Variants in METTL21A observed in about 807,000 individuals in gnomAD.
METTL21A encodes methyltransferase 21A, HSPA lysine.
METTL21A carries 22 observed loss-of-function variants against 20.9 expected under a neutral mutation model. The ratio of observed to expected loss-of-function variants is 1.05; its 90% CI spans 0.75 to 1.50. The LOEUF is 1.50. Ranked by LOEUF, METTL21A falls within the 40% of genes most tolerant of loss-of-function variation. METTL21A has a pLI of 0.00. For synonymous variants in METTL21A, 93 were observed against 102.0 expected, an observed-to-expected ratio of 0.91 and a Z score of 0.53; for missense variants, 271 against 266.8, an observed-to-expected ratio of 1.02 and a Z score of -0.11.
intron 3 of METTL21A, among the ~76,000 whole-genome samples, chr2:207,594,027 C>T (rs1434400952): frequency 1.3e-5 from 2 of 152,128 alleles, no homozygotes; most frequent in East Asian, 1.9e-4. Flanking sequence ...CACCAGCCCT[C>T]ACAAACCTTT....
At chr2:207,605,593 CTG>C (rs2087951585), downstream of METTL21A, among the ~76,000 whole-genome samples, 2 of 152,218 alleles carry the variant, frequency 1.3e-5, no homozygotes, top group South Asian at 2.1e-4. Flanking sequence ...TTGTGACAGT[CTG>C]TGCATATATA....
chr2:207,582,863 C>A, intron 3 of METTL21A: 1 of 322,200 alleles, frequency 3.1e-6, no homozygotes, highest in African/African-American at 2.3e-5. Context: ...ACTACTCCAG[C>A]CTGAGTGACA....
intron 3 of METTL21A, among the ~76,000 whole-genome samples, chr2:207,595,644 A>C (rs115190282): frequency 6.6e-6 from 1 of 151,976 alleles, no homozygotes; most frequent in Non-Finnish European, 1.5e-5. Flanking sequence ...GCTCACTGCA[A>C]CCTAAGACCT....
At chr2:207,592,348 A>C (rs1297893130) in intron 3 of METTL21A, among the ~76,000 whole-genome samples, 7 of 152,278 alleles carry the variant, frequency 4.6e-5, no homozygotes, top group Admixed American at 6.5e-5. Flanking sequence ...CAGAGGTTGC[A>C]GTAGCCCAGA....
At chr2:207,601,964 C>G (rs998055578) in intron 3 of METTL21A, 2 of 208,792 alleles carry the variant, frequency 9.6e-6, no homozygotes, top group African/African-American at 4.6e-5. Context: ...CCTTGACATT[C>G]TAGAATCAAT....
At chr2:207,582,934 T>A (rs533601150) in intron 3 of METTL21A, 1 of 225,022 alleles carries the variant, frequency 4.4e-6, no homozygotes. Flanking sequence ...TATATATACA[T>A]ACACACACAC....
chr2:207,593,659 C>T (rs1021137084), intron 3 of METTL21A, among the ~76,000 whole-genome samples: 14 of 151,370 alleles, frequency 9.2e-5, no homozygotes, highest in African/African-American at 3.2e-4. Context: ...AACACATCTT[C>T]AACATGCTAG....
chr2:207,625,378 C>G (rs534035693), exon 1 of METTL21A: 2 of 152,056 alleles, frequency 1.3e-5, no homozygotes, highest in Admixed American at 1.3e-4. Flanking sequence ...GGCCCCGGCC[C>G]GGAGCCACGC....
At chr2:207,604,127 C>T (rs955816411), downstream of METTL21A, among the ~76,000 whole-genome samples, 2 of 152,194 alleles carry the variant, frequency 1.3e-5, no homozygotes, top group Non-Finnish European at 2.9e-5. Context: ...AAATCGGAAT[C>T]GGGTCACCCT....
At chr2:207,596,798 A>T in intron 3 of METTL21A, 1 of 1,177,574 alleles carries the variant, frequency 8.5e-7, no homozygotes, top group Non-Finnish European at 1.2e-6. Context: ...TGCTTAATAT[A>T]TACTAAAATG....
intron 3 of METTL21A, chr2:207,603,276 A>G (rs189094154): frequency 1.8e-4 from 40 of 221,466 alleles, no homozygotes; most frequent in Admixed American, 6.3e-4. Context: ...TCAGAATAGT[A>G]GCAGTTGCTT....
intron 2 of METTL21A, 72 bp downstream of exon 2, chr2:207,624,157 T>TAAAAAAAAAAAAAAAAAAAAAAAAA: frequency 6.8e-7 from 1 of 1,476,672 alleles, no homozygotes. Flanking sequence ...AAAGCTGTTC[T>TAAAAAAAAAAAAAAAAAAAAAAAAA]AAAAAAAATA....
At chr2:207,603,433 G>GT (rs1433652364) in intron 3 of METTL21A, 2 of 224,388 alleles carry the variant, frequency 8.9e-6, no homozygotes, top group African/African-American at 4.5e-5. Flanking sequence ...TAAAAACTCT[G>GT]TAAGTCTCTT....
intron 3 of METTL21A, among the ~76,000 whole-genome samples, chr2:207,593,491 C>G (rs541756704): frequency 6.6e-6 from 1 of 152,202 alleles, no homozygotes; most frequent in African/African-American, 2.4e-5. Flanking sequence ...CATTGTGCCA[C>G]TGCACTCCAG....
exon 4 of METTL21A, chr2:207,613,380 G>C: frequency 6.2e-7 from 1 of 1,609,608 alleles, no homozygotes; most frequent in East Asian, 2.2e-5. Flanking sequence ...AGGTAAGTTG[G>C]CTTGAACGTT....
chr2:207,624,599 G>A (rs1460021131), intron 1 of METTL21A, 195 bp from the exon 2 acceptor site: 1 of 468,632 alleles, frequency 2.1e-6, no homozygotes, highest in Non-Finnish European at 3.7e-6. Flanking sequence ...TTGTGTCAAC[G>A]GATGTGTTTG....
intron 3 of METTL21A, among the ~76,000 whole-genome samples, chr2:207,588,053 C>G (rs1193934177): frequency 6.6e-6 from 1 of 152,116 alleles, no homozygotes; most frequent in African/African-American, 2.4e-5. Context: ...ATTACTGCAT[C>G]TCATAAATGT....
chr2:207,600,677 G>A lies in METTL21A; in HGVS notation c.260-18517C>T, dbSNP rs2086891196. Reference sequence around the variant, plus strand: ...GAGCAGGGATTTTGTCAGAAAATGTGTTTTGATGGTAGGTCAGCAGCAGTG... The same window carrying A: ...GAGCAGGGATTTTGTCAGAAAATGTATTTTGATGGTAGGTCAGCAGCAGTG... On this transcript the variant is annotated intron_variant, in intron 3 of 3. Transcript: ENST00000425132. The A allele has an allele frequency of 1.9e-5, 4 of 211,200 alleles. No individual in the cohort carries two copies. In the South Asian group the frequency reaches 7.5e-4, roughly 40 times the overall value. The allele number at this position is 211,200 out of a possible 1,614,324, so 13.1% of individuals were successfully genotyped here.
chr2:207,594,267 T>C (rs1373745207), intron 3 of METTL21A, among the ~76,000 whole-genome samples: 1 of 152,196 alleles, frequency 6.6e-6, no homozygotes, highest in Non-Finnish European at 1.5e-5. Flanking sequence ...TAATGAGTTT[T>C]AAGTATTCAG....
Sources: allele counts gnomAD v4.1 joint callset (sites outside exome capture counted in the v4.1 genomes callset), GRCh38; gene constraint gnomAD v4.1.1; transcripts MANE v1.5; gene names NCBI Gene and HGNC (gene_info 2026-07-23, HGNC 2026-07-21).